PLEKHB2: variants seen among roughly 807,000 people sequenced by gnomAD.
The protein encoded by PLEKHB2 is pleckstrin homology domain-containing family B member 2.
PLEKHB2 carries 31 observed loss-of-function variants against 36.5 expected under a neutral mutation model. That is an observed-to-expected ratio of 0.85 (90% CI 0.64 to 1.15). The LOEUF (loss-of-function observed/expected upper bound fraction) is 1.15. Ranked by LOEUF, PLEKHB2 falls within the 50% of genes most tolerant of loss-of-function variation. The pLI, the probability that PLEKHB2 is intolerant of heterozygous loss-of-function variation, is 0.00. For missense variants in PLEKHB2, 262 were observed against 295.3 expected (o/e 0.89, Z 0.83); for synonymous variants, 119 against 112.0 (o/e 1.06, Z -0.39).
intron 1 of PLEKHB2, among the ~76,000 whole-genome samples, chr2:131,109,323 G>A (rs112323494): frequency 0.022 from 3,278 of 152,132 alleles, 120 homozygotes; most frequent in African/African-American, 0.075. Context: ...TTTTGTTTTG[G>A]TATAGTTGAA....
chr2:131,121,446 C>T (rs1161392186), intron 2 of PLEKHB2, among the ~76,000 whole-genome samples: 1 of 152,012 alleles, frequency 6.6e-6, no homozygotes, highest in African/African-American at 2.4e-5. Context: ...AGGGGTTTCT[C>T]CCTGTTGGCC....
At chr2:131,136,137 C>T (rs768941345) in intron 6 of PLEKHB2, among the ~76,000 whole-genome samples, 15 of 150,844 alleles carry the variant, frequency 9.9e-5, no homozygotes, top group Non-Finnish European at 1.6e-4. Context: ...TTGTCAGTTG[C>T]TTGCCTGCCT....
chr2:131,126,708 C>G lies in PLEKHB2; in HGVS notation c.215C>G (p.Ser72Ter), dbSNP rs1697139762. 6.2e-7 allele frequency: 1 copy of G among 1,610,312 alleles called. No homozygotes were observed. The highest frequency in any genetic ancestry group is 8.5e-7 in the Non-Finnish European group (1 of 1,176,542). Residue 72 changes from serine (S) to a stop codon, truncating the protein, a stop_gained, in exon 4 of 8, where the codon TCA (serine) becomes TGA (stop). Transcript: ENST00000693505. LOFTEE classifies it high-confidence loss of function. The part of the protein sequence containing the change: ...CRDTQPPDGK[S>*]KDCMLQIVCR... ...GATACTCAGCCCCCGGATGGAAAGT[C>G]AAAAGACTGCATGCTCCAGATTGTT...
intron 6 of PLEKHB2, among the ~76,000 whole-genome samples, chr2:131,139,533 C>A (rs1242936118): frequency 6.6e-6 from 1 of 152,178 alleles, no homozygotes; most frequent in Non-Finnish European, 1.5e-5. Context: ...CTCCTCTCAA[C>A]CTGTGAGTAT....
intron 1 of PLEKHB2, chr2:131,120,590 G>A: frequency 2.8e-6 from 1 of 353,500 alleles, no homozygotes; most frequent in Non-Finnish European, 5.4e-6. Flanking sequence ...CCAAATGTAG[G>A]CACCTCAGGG....
rs140043088 is a variant in PLEKHB2 at position 131,121,480 on chromosome 2, T to A, written c.37+502T>A. Among the ~76,000 whole-genome samples the A allele has an allele frequency of 1.6e-3, 246 of 152,196 alleles. 1 individual carries two copies. Among genetic ancestry groups the A allele is most frequent in the African/African-American group, 5.8e-3 (240 of 41,524 alleles). On this transcript the variant is annotated intron_variant, in intron 2 of 7. Transcript: ENST00000693505. ...CCAGGCTGGTCTCAAACTCCCGACC[T>A]CAGGTGATCTGCCCACCTGGGTTCC...
At chr2:131,119,690 T>C (rs1044377328) in intron 1 of PLEKHB2, among the ~76,000 whole-genome samples, 8 of 152,182 alleles carry the variant, frequency 5.3e-5, no homozygotes, top group African/African-American at 1.4e-4. Context: ...GTTGCATCAG[T>C]TTTCTTTCTG....
intron 3 of PLEKHB2, 35 bp from the exon 4 acceptor site, chr2:131,126,649 G>A (rs769004572): frequency 1.6e-6 from 2 of 1,266,422 alleles, no homozygotes; most frequent in Non-Finnish European, 2.3e-6. Context: ...AAGAAATCCT[G>A]AAAAAAGTTC....
chr2:131,120,806 G>C (rs757699223), intron 1 of PLEKHB2, 128 bp from the exon 2 acceptor site: 2 of 828,956 alleles, frequency 2.4e-6, no homozygotes, highest in Non-Finnish European at 4.1e-6. Context: ...TGCCAGGGGG[G>C]CACTGAGCTA....
At chr2:131,129,653 T>C (rs1697462783) in intron 4 of PLEKHB2, among the ~76,000 whole-genome samples, 1 of 80,378 alleles carries the variant, frequency 1.2e-5, no homozygotes, top group Non-Finnish European at 3.5e-5. Context: ...TACAGGCATG[T>C]GCCACCACGC....
intron 4 of PLEKHB2, among the ~76,000 whole-genome samples, 188 bp from the exon 5 acceptor site, chr2:131,130,533 T>C (rs1394321237): frequency 2.0e-5 from 3 of 152,232 alleles, no homozygotes; most frequent in Non-Finnish European, 2.9e-5. Flanking sequence ...TTTTAAATAT[T>C]ACATATCTAT....
At chr2:131,129,856 T>G (rs183527918) in intron 4 of PLEKHB2, among the ~76,000 whole-genome samples, 1 of 152,292 alleles carries the variant, frequency 6.6e-6, no homozygotes, top group East Asian at 1.9e-4. Context: ...TAGTTTTTTT[T>G]GACAATATAG....
At position 131,126,664 on chromosome 2, in the gene PLEKHB2, A is replaced by G; in HGVS notation, c.191-20A>G. 1 of 1,444,672 alleles carries G rather than the reference A, an allele frequency of 6.9e-7. No homozygotes were observed. The highest frequency in any genetic ancestry group is 9.7e-7 in the Non-Finnish European group (1 of 1,025,778). 89.5% of individuals were successfully genotyped at this position (1,444,672 alleles called of 1,614,324 possible). Reference sequence around the variant, plus strand: ...AAGAAATCCTGAAAAAAGTTCCTTTATTCTGCTTATTTTTCATAGATACTC... The same window carrying G: ...AAGAAATCCTGAAAAAAGTTCCTTTGTTCTGCTTATTTTTCATAGATACTC... On this transcript the variant is annotated intron_variant, in intron 3 of 7. Transcript: ENST00000693505.
chr2:131,122,339 G>A (rs896688664), intron 2 of PLEKHB2, among the ~76,000 whole-genome samples: 1 of 152,196 alleles, frequency 6.6e-6, no homozygotes, highest in Non-Finnish European at 1.5e-5. Flanking sequence ...TATGATTCTA[G>A]TCAAAAACTG....
chr2:131,110,494 G>T (rs1695191747), intron 1 of PLEKHB2, among the ~76,000 whole-genome samples: 1 of 152,014 alleles, frequency 6.6e-6, no homozygotes, highest in African/African-American at 2.4e-5. Flanking sequence ...TCCTACCTCA[G>T]TCTCCCGAGT....
chr2:131,125,129 A>G (rs562807484), intron 2 of PLEKHB2, among the ~76,000 whole-genome samples: 4 of 152,352 alleles, frequency 2.6e-5, no homozygotes, highest in Non-Finnish European at 5.9e-5. Context: ...TTATTTGCGT[A>G]TAGAGACTTC....
At chr2:131,120,905 TTTTGAACC>T in intron 1 of PLEKHB2, 21 bp from the exon 2 acceptor site, 1 of 1,612,138 alleles carries the variant, frequency 6.2e-7, no homozygotes. Flanking sequence ...CTGGGTATGA[TTTTGAACC>T]TGCCTGTTTT....
chr2:131,132,313 T>A (rs1333713669), intron 5 of PLEKHB2, among the ~76,000 whole-genome samples: 1 of 152,080 alleles, frequency 6.6e-6, no homozygotes, highest in African/African-American at 2.4e-5. Context: ...TGCTGTAACA[T>A]CTTTATTTTT....
At chr2:131,135,951 CTGT>C (rs1376057256) in intron 6 of PLEKHB2, among the ~76,000 whole-genome samples, 1 of 152,066 alleles carries the variant, frequency 6.6e-6, no homozygotes, top group Non-Finnish European at 1.5e-5. Context: ...TATGAATGTA[CTGT>C]TTAATTCAGT....
Sources: allele counts gnomAD v4.1 joint callset (sites outside exome capture counted in the v4.1 genomes callset), GRCh38; gene constraint gnomAD v4.1.1; transcripts MANE v1.5; gene names NCBI Gene and HGNC (gene_info 2026-07-23, HGNC 2026-07-21).